Variants in SUGCT observed in about 807,000 individuals in gnomAD.
SUGCT encodes the protein succinyl-CoA:glutarate-CoA transferase.
In SUGCT, 41 loss-of-function variants were observed where a neutral mutation model predicts 55.0. The ratio of observed to expected loss-of-function variants is 0.74; its 90% CI spans 0.58 to 0.97. SUGCT has a LOEUF of 0.97. Among genes scored for constraint, SUGCT ranks in the 50% least tolerant of loss-of-function variants. SUGCT has a pLI of 0.00. For missense variants in SUGCT, 568 were observed against 547.8 expected (o/e 1.04, Z -0.37); for synonymous variants, 187 against 200.4 (o/e 0.93, Z 0.56).
the SUGCT span, among the ~76,000 whole-genome samples, chr7:41,033,271 A>G: frequency 6.6e-6 from 1 of 152,038 alleles, no homozygotes; most frequent in African/African-American, 2.4e-5. Flanking sequence ...TTTTCCCTTC[A>G]TCTCTTCTGT....
At chr7:40,164,439 T>G (rs111713926) in intron 1 of SUGCT, among the ~76,000 whole-genome samples, 11 of 152,176 alleles carry the variant, frequency 7.2e-5, no homozygotes, top group African/African-American at 1.9e-4. Context: ...GAATTGTTTA[T>G]GTAAAGAGAA....
the SUGCT span, among the ~76,000 whole-genome samples, chr7:40,993,342 T>A: frequency 6.0e-4 from 92 of 152,146 alleles, no homozygotes; most frequent in African/African-American, 2.1e-3. Flanking sequence ...AGAGCTCAAT[T>A]ATGGGAGGTA....
chr7:40,813,402 T>C (rs149018889), intron 13 of SUGCT, among the ~76,000 whole-genome samples: 11 of 152,214 alleles, frequency 7.2e-5, no homozygotes, highest in Non-Finnish European at 1.5e-4. Flanking sequence ...CAATGTTGGA[T>C]GTATATATAT....
At chr7:40,534,682 G>C (rs559774896) in intron 12 of SUGCT, among the ~76,000 whole-genome samples, 1 of 152,182 alleles carries the variant, frequency 6.6e-6, no homozygotes, top group South Asian at 2.1e-4. Context: ...GCCTCCCAAA[G>C]TGCTGAGATT....
intron 9 of SUGCT, among the ~76,000 whole-genome samples, chr7:40,401,989 A>G (rs939139658): frequency 6.6e-6 from 1 of 152,108 alleles, no homozygotes; most frequent in Non-Finnish European, 1.5e-5. Context: ...GTTTTTTTGC[A>G]CCAAACATTC....
chr7:40,143,919 T>C (rs1314374528), intron 1 of SUGCT, among the ~76,000 whole-genome samples: 1 of 152,196 alleles, frequency 6.6e-6, no homozygotes, highest in Non-Finnish European at 1.5e-5. Context: ...ATAACCTGTA[T>C]TGGAATGCAC....
intron 7 of SUGCT, among the ~76,000 whole-genome samples, chr7:40,243,973 G>A (rs1361145462): frequency 6.6e-6 from 1 of 152,112 alleles, no homozygotes; most frequent in Non-Finnish European, 1.5e-5. Flanking sequence ...AGGAGTTCGA[G>A]ACCAGCCTAG....
intron 9 of SUGCT, among the ~76,000 whole-genome samples, chr7:40,344,922 T>C (rs1032770213): frequency 4.6e-5 from 7 of 152,242 alleles, no homozygotes; most frequent in Admixed American, 2.6e-4. Context: ...CCGTATAAAG[T>C]GTTTAGCAAC....
chr7:40,897,426 G>GACACACACACACACACAC, the SUGCT span, among the ~76,000 whole-genome samples: 63 of 148,892 alleles, frequency 4.2e-4, no homozygotes, highest in Admixed American at 1.0e-3. Context: ...AATAAAGCTG[G>GACACACACACACACACAC]ACACACACAC....
At chr7:40,893,602 G>A in the SUGCT span, among the ~76,000 whole-genome samples, 1 of 151,952 alleles carries the variant, frequency 6.6e-6, no homozygotes, top group African/African-American at 2.4e-5. Context: ...CAACCAATGG[G>A]TCAAAGAATA....
intron 12 of SUGCT, among the ~76,000 whole-genome samples, chr7:40,726,438 C>A (rs980050534): frequency 2.0e-5 from 3 of 151,696 alleles, no homozygotes; most frequent in African/African-American, 7.3e-5. Flanking sequence ...GAGGGGGGAG[C>A]AGAAAGAAGG....
intron 12 of SUGCT, among the ~76,000 whole-genome samples, chr7:40,615,083 A>G (rs370602613): frequency 2.0e-4 from 31 of 151,856 alleles, no homozygotes; most frequent in African/African-American, 6.8e-4. Flanking sequence ...GAAAGAAAAA[A>G]AGAAAATGAT....
chr7:40,992,210 G>A, the SUGCT span, among the ~76,000 whole-genome samples: 156 of 152,188 alleles, frequency 1.0e-3, no homozygotes, highest in African/African-American at 3.1e-3. Context: ...GGGTTCCTCC[G>A]CTTTTTAGAC....
the SUGCT span, among the ~76,000 whole-genome samples, chr7:40,988,895 T>C: frequency 2.4e-4 from 3 of 12,762 alleles, no homozygotes; most frequent in Non-Finnish European, 6.2e-4. Flanking sequence ...ATTTTTGTAG[T>C]TTTTTTTTGT....
At chr7:40,481,452 G>A (rs1386199719) in intron 11 of SUGCT, among the ~76,000 whole-genome samples, 1 of 151,606 alleles carries the variant, frequency 6.6e-6, no homozygotes, top group East Asian at 1.9e-4. Flanking sequence ...GAGAAATTGT[G>A]GGATATTCTA....
At chr7:40,568,371 A>AACAGATGGC (rs1258290901) in intron 12 of SUGCT, among the ~76,000 whole-genome samples, 1 of 152,178 alleles carries the variant, frequency 6.6e-6, no homozygotes, top group Non-Finnish European at 1.5e-5. Flanking sequence ...CAGGGTCAAA[A>AACAGATGGC]ACAGATGGAA....
intron 13 of SUGCT, among the ~76,000 whole-genome samples, chr7:40,771,871 T>C (rs903069749): frequency 6.6e-6 from 1 of 152,208 alleles, no homozygotes; most frequent in South Asian, 2.1e-4. Flanking sequence ...AAGTTATTTC[T>C]TCAGGGTATT....
intron 8 of SUGCT, among the ~76,000 whole-genome samples, chr7:40,295,812 AC>A (rs903530143): frequency 2.6e-5 from 4 of 152,178 alleles, no homozygotes; most frequent in Non-Finnish European, 5.9e-5. Context: ...GCATTTTTTA[AC>A]GCCTGCCCAG....
intron 9 of SUGCT, among the ~76,000 whole-genome samples, chr7:40,444,734 G>A (rs1408902354): frequency 6.6e-6 from 1 of 151,948 alleles, no homozygotes. Context: ...TTGCCTGATT[G>A]CCCTGGCCAG....
Sources: gnomAD v4.1 joint callset for allele counts (sites outside exome capture counted in the v4.1 genomes callset) on GRCh38, gnomAD v4.1.1 for gene constraint, MANE v1.5 for transcripts, NCBI Gene and HGNC (gene_info 2026-07-23, HGNC 2026-07-21) for gene names.